Variants in SGCZ observed in about 807,000 individuals in gnomAD.
The protein encoded by SGCZ is sarcoglycan zeta.
Under a neutral mutation model 41.3 loss-of-function variants are expected in SGCZ, and 40 were observed. The observed-to-expected ratio is 0.97, with a 90% CI of 0.75 to 1.26. SGCZ has a LOEUF of 1.26. Among genes scored for constraint, SGCZ ranks in the 50% most tolerant of loss-of-function variants. The pLI is 0.00. For synonymous variants in SGCZ, 206 were observed against 137.5 expected (o/e 1.50, Z -3.49); for missense variants, 552 against 369.8 (o/e 1.49, Z -4.04).
intron 1 of SGCZ, among the ~76,000 whole-genome samples, chr8:15,090,949 C>T (rs549952848): frequency 6.6e-6 from 1 of 152,244 alleles, no homozygotes; most frequent in South Asian, 2.1e-4. Context: ...CTGGATTTTT[C>T]CTTGAACAAT....
Position 14,324,003 on chromosome 8 carries a change from A to T in SGCZ, c.336+100T>A, listed in dbSNP as rs73664303. 20,108 of 709,750 alleles carry T rather than the reference A, an allele frequency of 0.028. 1,948 individuals carry two copies. Among genetic ancestry groups the T allele is most frequent in the African/African-American group, 0.25 (13,882 of 55,022 alleles). The allele number at this position is 709,750 out of a possible 1,614,324, so 44.0% of individuals were successfully genotyped here. ...TAGGTGTTTAGCTTAAGGAAACTAAACACATGCTGAAGAGATAAGGGGATT... is the reference window on the plus strand; with the variant it reads ...TAGGTGTTTAGCTTAAGGAAACTAATCACATGCTGAAGAGATAAGGGGATT... On this transcript the variant is annotated intron_variant, in intron 3 of 7. Transcript: ENST00000382080.
chr8:14,873,408 T>G (rs557947204), intron 1 of SGCZ, among the ~76,000 whole-genome samples: 1 of 152,086 alleles, frequency 6.6e-6, no homozygotes, highest in African/African-American at 2.4e-5. Flanking sequence ...CTGGATAACT[T>G]TGGAGACTCT....
chr8:15,087,095 C>G (rs958379518), intron 1 of SGCZ, among the ~76,000 whole-genome samples: 1 of 152,050 alleles, frequency 6.6e-6, no homozygotes, highest in African/African-American at 2.4e-5. Flanking sequence ...ATCACATACC[C>G]TCTCCGTACT....
At chr8:14,393,268 A>C (rs1804846755) in intron 2 of SGCZ, among the ~76,000 whole-genome samples, 1 of 152,098 alleles carries the variant, frequency 6.6e-6, no homozygotes, top group Admixed American at 6.6e-5. Context: ...AGCCCCAATC[A>C]TTTTCTAACA....
chr8:14,566,417 C>T (rs761340547), intron 1 of SGCZ, among the ~76,000 whole-genome samples: 1 of 98,096 alleles, frequency 1.0e-5, no homozygotes, highest in African/African-American at 3.2e-5. Context: ...CCTGCTGGGT[C>T]GATTCCCTAC....
At chr8:14,890,955 T>C (rs925577420) in intron 1 of SGCZ, among the ~76,000 whole-genome samples, 1 of 152,346 alleles carries the variant, frequency 6.6e-6, no homozygotes, top group East Asian at 1.9e-4. Flanking sequence ...CTTCTGTTTA[T>C]AGCATGGTTT....
intron 1 of SGCZ, among the ~76,000 whole-genome samples, chr8:15,053,569 G>GA (rs1804597234): frequency 6.6e-6 from 1 of 151,980 alleles, no homozygotes; most frequent in South Asian, 2.1e-4. Context: ...GTAATTAGGT[G>GA]AAAAACGATA....
intron 1 of SGCZ, among the ~76,000 whole-genome samples, chr8:14,795,870 A>T (rs2264854): frequency 0.36 from 54,201 of 151,824 alleles, 11,455 homozygotes; most frequent in East Asian, 0.49. Flanking sequence ...GTTCCCCTCT[A>T]TGTGTCCATA....
At chr8:14,654,234 TA>T (rs58416522) in intron 1 of SGCZ, among the ~76,000 whole-genome samples, 24,476 of 143,540 alleles carry the variant, frequency 0.17, 2,273 homozygotes, top group Admixed American at 0.24. Flanking sequence ...ACAGAGAAAT[TA>T]AAAAAAAAAA....
chr8:15,060,107 G>A (rs1438315032), intron 1 of SGCZ, among the ~76,000 whole-genome samples: 1 of 152,066 alleles, frequency 6.6e-6, no homozygotes, highest in Non-Finnish European at 1.5e-5. Context: ...GGAAGTCAAT[G>A]TGGTGTTTCC....
At chr8:14,925,884 G>A (rs1180839631) in intron 1 of SGCZ, among the ~76,000 whole-genome samples, 1 of 152,146 alleles carries the variant, frequency 6.6e-6, no homozygotes, top group African/African-American at 2.4e-5. Context: ...ATGCATAAAA[G>A]GAAGCCTACC....
intron 1 of SGCZ, among the ~76,000 whole-genome samples, chr8:15,169,440 G>A (rs2117059323): frequency 6.6e-6 from 1 of 152,264 alleles, no homozygotes; most frequent in South Asian, 2.1e-4. Context: ...TCAAACGAGA[G>A]TCACTGTTTT....
chr8:14,610,625 CAG>C (rs1805896981), intron 1 of SGCZ, among the ~76,000 whole-genome samples: 2 of 152,118 alleles, frequency 1.3e-5, no homozygotes, highest in Admixed American at 1.3e-4. Context: ...ACTAAGAGGA[CAG>C]AGATAAAATT....
chr8:14,271,019 G>C (rs528284130), intron 3 of SGCZ, among the ~76,000 whole-genome samples: 27 of 152,134 alleles, frequency 1.8e-4, no homozygotes, highest in African/African-American at 6.5e-4. Context: ...GACACAGGAA[G>C]GGGAACATCA....
At chr8:15,116,365 T>C (rs1431724354) in intron 1 of SGCZ, among the ~76,000 whole-genome samples, 2 of 152,210 alleles carry the variant, frequency 1.3e-5, no homozygotes, top group African/African-American at 4.8e-5. Flanking sequence ...AATAGTCCAA[T>C]GAAACCTACA....
intron 1 of SGCZ, among the ~76,000 whole-genome samples, chr8:14,740,371 G>T (rs182090947): frequency 6.6e-6 from 1 of 151,560 alleles, no homozygotes; most frequent in Non-Finnish European, 1.5e-5. Flanking sequence ...AGATTCATCT[G>T]TAGGTAGGGG....
chr8:14,265,416 C>G (rs1799834797), intron 3 of SGCZ, among the ~76,000 whole-genome samples: 1 of 152,068 alleles, frequency 6.6e-6, no homozygotes, highest in South Asian at 2.1e-4. Context: ...AATGTCAAAT[C>G]CTGGAAAACG....
At chr8:14,718,085 T>A (rs1451746243) in intron 1 of SGCZ, among the ~76,000 whole-genome samples, 2 of 151,660 alleles carry the variant, frequency 1.3e-5, no homozygotes, top group African/African-American at 4.8e-5. Flanking sequence ...AATCACTTTA[T>A]AGAAATGAAT....
At chr8:14,742,789 T>C (rs528280690) in intron 1 of SGCZ, among the ~76,000 whole-genome samples, 50 of 152,206 alleles carry the variant, frequency 3.3e-4, no homozygotes, top group African/African-American at 1.2e-3. Flanking sequence ...TTAGAAGCAT[T>C]TACATTTCAG....
Sources: gnomAD v4.1 joint callset for allele counts (sites outside exome capture counted in the v4.1 genomes callset) on GRCh38, gnomAD v4.1.1 for gene constraint, MANE v1.5 for transcripts, NCBI Gene and HGNC (gene_info 2026-07-23, HGNC 2026-07-21) for gene names.